Variants in STXBP5L observed in about 807,000 individuals in gnomAD.
STXBP5L encodes syntaxin binding protein 5L.
Under a neutral mutation model 144.5 loss-of-function variants are expected in STXBP5L, and 65 were observed. The ratio of observed to expected loss-of-function variants is 0.45; its 90% CI spans 0.37 to 0.55. The LOEUF (loss-of-function observed/expected upper bound fraction) is 0.55. Among genes scored for constraint, STXBP5L ranks in the 20% least tolerant of loss-of-function variants. The pLI is 0.00. For missense variants in STXBP5L, 1,298 were observed against 1,405.5 expected (o/e 0.92, Z 1.22); for synonymous variants, 505 against 469.6 (o/e 1.08, Z -0.97).
In STXBP5L at chr3:121,188,671, C is replaced by A. The variant is rs112949284; in HGVS notation, c.878-17252C>A. Among the ~76,000 whole-genome samples, 44 of 152,154 alleles carry A rather than the reference C, an allele frequency of 2.9e-4. 1 individual carries two copies. In the South Asian group the frequency reaches 8.3e-3, roughly 29 times the overall value. ...GGTTCAACATACGCAAATCAATAAA[C>A]GTAATCCAGCATATAAAGAGAACCA... On this transcript the variant is annotated intron_variant, in intron 9 of 26. Coordinates refer to ENST00000471454, the MANE Select transcript of STXBP5L (RefSeq NM_001308330.2).
chr3:121,264,018 C>T (rs1194391124), intron 18 of STXBP5L, among the ~76,000 whole-genome samples: 1 of 152,064 alleles, frequency 6.6e-6, no homozygotes, highest in African/African-American at 2.4e-5. Context: ...GTCAGATTCA[C>T]CAAGGTTGAA....
intron 20 of STXBP5L, among the ~76,000 whole-genome samples, chr3:121,363,634 G>A (rs1300483616): frequency 1.3e-5 from 2 of 152,144 alleles, no homozygotes; most frequent in African/African-American, 4.8e-5. Context: ...CCAAAAGGAG[G>A]GGTGGCATCA....
chr3:121,390,521 G>T (rs997312186), intron 22 of STXBP5L, among the ~76,000 whole-genome samples: 1 of 152,174 alleles, frequency 6.6e-6, no homozygotes, highest in Non-Finnish European at 1.5e-5. Flanking sequence ...TGCAATGGCT[G>T]GTACCGGTTG....
chr3:120,973,587 CA>C (rs1940540662), intron 3 of STXBP5L, among the ~76,000 whole-genome samples: 1 of 151,966 alleles, frequency 6.6e-6, no homozygotes, highest in South Asian at 2.1e-4. Context: ...TACATGTGCA[CA>C]ATGTGCAGGT....
rs999402420 is a variant in STXBP5L at position 121,303,103 on chromosome 3, A to C, written c.2111-15372A>C. ...ATCAGAGTGAACAGGCAACCTACAA[A>C]ATGGGAGAAAATTTTTGCAATCTAC... is the stretch of plus-strand genomic sequence containing the variant. On this transcript the variant is annotated intron_variant, in intron 19 of 26. Transcript: ENST00000471454. 5.9e-5 allele frequency among the ~76,000 whole-genome samples: 9 copies of C among 152,270 alleles called. 1 individual carries two copies. Among genetic ancestry groups the C allele is most frequent in the African/African-American group, 1.7e-4 (7 of 41,568 alleles).
chr3:121,313,348 C>T (rs1183030650), intron 19 of STXBP5L, among the ~76,000 whole-genome samples: 1 of 129,076 alleles, frequency 7.7e-6, no homozygotes, highest in African/African-American at 3.3e-5. Context: ...GGGGGGCTGA[C>T]CCCCCACCTC....
chr3:120,933,299 T>A (rs1415542705), intron 2 of STXBP5L, among the ~76,000 whole-genome samples: 2 of 152,126 alleles, frequency 1.3e-5, no homozygotes, highest in Non-Finnish European at 2.9e-5. Flanking sequence ...ATATTCTGAT[T>A]TTTTACCTAA....
At chr3:121,022,354 A>G (rs1288279506) in intron 3 of STXBP5L, among the ~76,000 whole-genome samples, 1 of 152,168 alleles carries the variant, frequency 6.6e-6, no homozygotes, top group African/African-American at 2.4e-5. Flanking sequence ...AGACAATCAA[A>G]TAAGAATCTG....
intron 6 of STXBP5L, among the ~76,000 whole-genome samples, chr3:121,118,745 G>A (rs191893805): frequency 2.0e-5 from 3 of 151,450 alleles, no homozygotes; most frequent in African/African-American, 7.3e-5. Flanking sequence ...ACATATTAAA[G>A]AAATATTTAA....
chr3:120,997,775 A>G (rs1943465916), intron 3 of STXBP5L, among the ~76,000 whole-genome samples: 1 of 152,120 alleles, frequency 6.6e-6, no homozygotes, highest in Non-Finnish European at 1.5e-5. Flanking sequence ...AGAGGCAATG[A>G]AAAAAGAAAA....
chr3:121,240,295 A>G, intron 13 of STXBP5L, 145 bp from the exon 14 acceptor site: 1 of 634,702 alleles, frequency 1.6e-6, no homozygotes, highest in South Asian at 2.5e-5. Context: ...GAAAGAATTA[A>G]AAGACAGCTA....
At position 121,172,388 on chromosome 3, in the gene STXBP5L, G is replaced by A. The variant is rs779728571; in HGVS notation, c.877+14761G>A. Among the ~76,000 whole-genome samples, 15 of 152,306 alleles carry A rather than the reference G, an allele frequency of 9.8e-5. No homozygotes were observed. The South Asian group carries it at 1.7e-3, about 17-fold the overall frequency. ...CACATCAAAAGAAACTACCATCAGAGTGGACAGGCAACCTACAGAATGGGA... is the reference window on the plus strand; with the variant it reads ...CACATCAAAAGAAACTACCATCAGAATGGACAGGCAACCTACAGAATGGGA... On this transcript the variant is annotated intron_variant, in intron 9 of 26. Transcript: ENST00000471454.
intron 3 of STXBP5L, among the ~76,000 whole-genome samples, chr3:121,022,407 TC>T (rs1560014011): frequency 1.3e-5 from 2 of 152,046 alleles, no homozygotes; most frequent in African/African-American, 4.8e-5. Flanking sequence ...AAAGAGGTAA[TC>T]CTCTCTAAAT....
At chr3:120,977,616 G>T (rs968832265) in intron 3 of STXBP5L, among the ~76,000 whole-genome samples, 22 of 152,138 alleles carry the variant, frequency 1.4e-4, no homozygotes, top group Non-Finnish European at 2.6e-4. Context: ...TTGCTCCTTA[G>T]TTGAGGCAGT....
chr3:121,186,395 C>T (rs969878409), intron 9 of STXBP5L, among the ~76,000 whole-genome samples: 1 of 152,146 alleles, frequency 6.6e-6, no homozygotes, highest in Non-Finnish European at 1.5e-5. Context: ...GGGAGTGCTT[C>T]CAGTTTTTGC....
rs1040834015 is a variant in STXBP5L at position 121,050,701 on chromosome 3, A to G, written c.470+5166A>G. Among the ~76,000 whole-genome samples the G allele has an allele frequency of 2.6e-5, 4 of 152,232 alleles. No homozygotes were observed. The East Asian group carries it at 5.8e-4, about 22-fold the overall frequency. ...CTAACGAGCAAAATAACCAGCTAAC[A>G]TCATAATGACAGGACCAAATACACA... On this transcript the variant is annotated intron_variant, in intron 5 of 26. Coordinates refer to ENST00000471454, the MANE Select transcript of STXBP5L (RefSeq NM_001308330.2).
chr3:121,318,481 C>T lies in STXBP5L; in HGVS notation c.2117C>T (p.Thr706Ile). Residue 706 changes from threonine to isoleucine, a missense_variant, in exon 20 of 27, where the codon ACT (threonine) becomes ATT (isoleucine). Transcript: ENST00000471454. ...TTTTTCATTGTATTTTCAGGTTTAA[C>T]TGAACTGAATGACAGTCCAGTTCCC... ...RKNKQFIAGL[T>I]ELNDSPVPLE... is the part of the protein sequence containing the mutation. The T allele has an allele frequency of 6.4e-7, 1 of 1,554,910 alleles. No homozygotes were observed. Among genetic ancestry groups the T allele is most frequent in the Non-Finnish European group, 8.7e-7 (1 of 1,153,336 alleles).
chr3:121,064,931 T>G (rs1444326533), intron 5 of STXBP5L, among the ~76,000 whole-genome samples: 1 of 152,222 alleles, frequency 6.6e-6, no homozygotes, highest in African/African-American at 2.4e-5. Context: ...GTGTCCATTC[T>G]TCAAATGTTT....
chr3:121,379,731 TG>T (rs556486593), intron 21 of STXBP5L, among the ~76,000 whole-genome samples: 36 of 152,306 alleles, frequency 2.4e-4, no homozygotes, highest in Admixed American at 2.0e-3. Flanking sequence ...GTATCAACTT[TG>T]TATGGTGATG....
Sources: allele counts gnomAD v4.1 joint callset (sites outside exome capture counted in the v4.1 genomes callset), GRCh38; gene constraint gnomAD v4.1.1; transcripts MANE v1.5; gene names NCBI Gene and HGNC (gene_info 2026-07-23, HGNC 2026-07-21).